Variants in RNMT observed in about 807,000 individuals in gnomAD.
RNMT encodes RNA guanine-7 methyltransferase.
Under a neutral mutation model 56.0 loss-of-function variants are expected in RNMT, and 27 were observed. The ratio of observed to expected loss-of-function variants is 0.48; its 90% confidence interval spans 0.36 to 0.67. The LOEUF (loss-of-function observed/expected upper bound fraction) is 0.67. Among genes scored for constraint, RNMT ranks in the 30% least tolerant of loss-of-function variants. The pLI is 0.00. For missense variants in RNMT, 519 were observed against 552.1 expected (o/e 0.94, Z 0.60); for synonymous variants, 184 against 176.2 (o/e 1.04, Z -0.35).
At chr18:13,738,857 G>A (rs983401629) in intron 5 of RNMT, among the ~76,000 whole-genome samples, 1 of 152,072 alleles carries the variant, frequency 6.6e-6, no homozygotes, top group African/African-American at 2.4e-5. Context: ...TTGGCACCAG[G>A]GGCCGGTTTC....
intron 8 of RNMT, chr18:13,742,895 T>A (rs113157306): frequency 7.0e-6 from 2 of 284,910 alleles, no homozygotes; most frequent in East Asian, 1.3e-4. Context: ...TGGAATTTTT[T>A]AATCCTGTGG....
At chr18:13,750,632 C>T (rs539376832) in intron 9 of RNMT, among the ~76,000 whole-genome samples, 1 of 151,870 alleles carries the variant, frequency 6.6e-6, no homozygotes, top group East Asian at 1.9e-4. Flanking sequence ...AAACCTTGTC[C>T]CTACAAAAAA....
At position 13,762,356 on chromosome 18, in the gene RNMT, A is replaced by C; in HGVS notation, c.*2377A>C. The C allele has an allele frequency of 1.7e-6, 1 of 602,278 alleles. No homozygotes were observed. Among genetic ancestry groups the C allele is most frequent in the Non-Finnish European group, 2.8e-6 (1 of 351,732 alleles). The allele number at this position is 602,278 out of a possible 1,614,324, so 37.3% of individuals were successfully genotyped here. A position where few individuals can be genotyped will look rare whatever the true frequency, so the allele number is the denominator to read the frequency against. On this transcript the variant is annotated 3_prime_UTR_variant, in exon 12 of 12. Coordinates refer to ENST00000383314, the MANE Select transcript of RNMT (RefSeq NM_003799.3). ...GGAGAGGAGCTGGCAGTTTTTAACC[A>C]CTTCTGTGGGAGCCGTGTTCTAACC... is the stretch of plus-strand genomic sequence containing the variant.
Position 13,731,944 on chromosome 18 carries a change from G to C in RNMT, c.417+10G>C. On this transcript the variant is annotated intron_variant, in intron 3 of 11. Transcript: ENST00000383314. The stretch of plus-strand genomic sequence containing the variant: ...TCCTGAAAAGCAGAAAGTATGTTCA[G>C]TGTATTTTCATTTATTCATAATAGA... 4 of 1,571,448 alleles carry C rather than the reference G, an allele frequency of 2.5e-6. No individual in the cohort carries two copies. The highest frequency in any genetic ancestry group is 3.4e-6 in the Non-Finnish European group (4 of 1,164,864).
At chr18:13,741,795 A>G in intron 7 of RNMT, 104 bp downstream of exon 7, 1 of 665,250 alleles carries the variant, frequency 1.5e-6, no homozygotes, top group South Asian at 2.7e-5. Flanking sequence ...TAATCTTATA[A>G]GTGTTGAACA....
At position 13,731,854 on chromosome 18, in the gene RNMT, C is replaced by G. The variant is rs769888601; in HGVS notation, c.337C>G (p.Pro113Ala). 31 of 1,612,272 alleles carry G rather than the reference C, an allele frequency of 1.9e-5. No individual in the cohort carries two copies. In the South Asian group the frequency reaches 3.4e-4, roughly 18 times the overall value. Residue 113 changes from proline to alanine, a missense_variant, in exon 3 of 12, where the codon CCA becomes GCA. By Grantham distance (27) the Pro-to-Ala change is conservative. Transcript: ENST00000383314. ...KKRKRETEDVPKDKSSTGDGT... is the reference protein window; with the variant it reads ...KKRKRETEDVAKDKSSTGDGT... ...AAGAAAAAGAGAAACTGAGGATGTT[C>G]CAAAAGATAAATCTTCTACTGGAGA...
rs551772602 is a variant in RNMT, at chr18:13,761,154, T to G, written c.*1175T>G. ...AACATAGTGTCTTCATTAGTGTGCATCTATTAACTGTTCATGGTGTTAGAG... is the reference window on the plus strand; with the variant it reads ...AACATAGTGTCTTCATTAGTGTGCAGCTATTAACTGTTCATGGTGTTAGAG... On this transcript the variant is annotated 3_prime_UTR_variant, in exon 12 of 12. Transcript: ENST00000383314. The G allele has an allele frequency of 8.3e-4, 818 of 985,440 alleles. 16 individuals carry two copies. In the South Asian group the frequency reaches 0.034, roughly 41 times the overall value. 61.0% of individuals were successfully genotyped at this position (985,440 alleles called of 1,614,324 possible). A position where few individuals can be genotyped will look rare whatever the true frequency, so the allele number is the denominator to read the frequency against.
Position 13,740,168 on chromosome 18 carries a change from T to A in RNMT, c.681T>A (p.Asp227Glu). The A allele has an allele frequency of 6.3e-7, 1 of 1,590,918 alleles. No individual in the cohort carries two copies. Among genetic ancestry groups the A allele is most frequent in the Non-Finnish European group, 8.6e-7 (1 of 1,159,182 alleles). The change falls in exon 6 of 12, where the codon GAT becomes GAA. Residue 227 changes from aspartate (D) to glutamate (E), a missense_variant and splice_region_variant. Coordinates refer to ENST00000383314, the MANE Select transcript of RNMT (RefSeq NM_003799.3). ...ACTAATACCCTTCCATCCTTCCAGA[T>A]ATTGCCGATGTTTCTGTCAAACAGT... ...KGRINKLVCT[D>E]IADVSVKQCQ...
At chr18:13,759,137 C>T (rs960391626) in intron 11 of RNMT, among the ~76,000 whole-genome samples, 3 of 152,074 alleles carry the variant, frequency 2.0e-5, no homozygotes, top group African/African-American at 7.2e-5. Flanking sequence ...TGAAATAATG[C>T]AAGAATTACC....
In RNMT at chr18:13,740,273, C is replaced by T; in HGVS notation, c.786C>T (p.Ser262=). The T allele has an allele frequency of 6.7e-7, 1 of 1,486,586 alleles. No homozygotes were observed. The highest frequency in any genetic ancestry group is 2.3e-5 in the East Asian group (1 of 44,192). 92.1% of individuals were successfully genotyped at this position (1,486,586 alleles called of 1,614,324 possible). A position where few individuals can be genotyped will look rare whatever the true frequency, so the allele number is the denominator to read the frequency against. The change falls in exon 6 of 12, where the codon AGC becomes AGT. Residue 262 remains serine, a synonymous_variant. Transcript: ENST00000383314. ...GTGCAGAATTTATAACTGCTGACAG[C>T]TCAAAGGTACAGTTTCTTTCTTTGG... ...IFSAEFITAD[S]SKELLIDKFR...
chr18:13,731,267 G>A (rs1406232374), intron 2 of RNMT, among the ~76,000 whole-genome samples: 1 of 152,180 alleles, frequency 6.6e-6, no homozygotes, highest in Non-Finnish European at 1.5e-5. Flanking sequence ...AATTAGCCAG[G>A]CGTGGTGGCA....
intron 4 of RNMT, among the ~76,000 whole-genome samples, 171 bp from the exon 5 acceptor site, chr18:13,736,839 C>T (rs1832117604): frequency 6.6e-6 from 1 of 152,162 alleles, no homozygotes; most frequent in Admixed American, 6.5e-5. Flanking sequence ...GATTAATCAA[C>T]TCTTAGTCAT....
At chr18:13,741,458 T>C in intron 6 of RNMT, 52 bp from the exon 7 acceptor site, 4 of 1,329,706 alleles carry the variant, frequency 3.0e-6, no homozygotes, top group Non-Finnish European at 4.2e-6. Context: ...AAAAAGTTTT[T>C]AATCTTTGTT....
rs532262293 is a variant in RNMT at position 13,760,424 on chromosome 18, G to C, written c.*445G>C. ...TATATAGCATTTTTCAACATTTAAT[G>C]GTCTGTACAGTTGAATGTAAGTGTT... On this transcript the variant is annotated 3_prime_UTR_variant, in exon 12 of 12. Transcript: ENST00000383314. The C allele has an allele frequency of 1.4e-4, 136 of 987,098 alleles. No homozygotes were observed. The African/African-American group carries it at 2.3e-3, about 16-fold the overall frequency. The allele number at this position is 987,098 out of a possible 1,614,324, so 61.1% of individuals were successfully genotyped here.
Position 13,734,572 on chromosome 18 carries a change from A to C in RNMT, c.526A>C (p.Asn176His). Residue 176 changes from asparagine (N) to histidine (H), a missense_variant, in exon 4 of 12, where the codon AAT (asparagine) becomes CAT (histidine). Coordinates refer to ENST00000383314, the MANE Select transcript of RNMT (RefSeq NM_003799.3). ...TCGTATTTTTTACCTAAGAAACTTT[A>C]ATAATTGGATGAAAAGTGTTCTCAT... ...QSRIFYLRNF[N>H]NWMKSVLIGE... 6.2e-7 allele frequency: 1 copy of C among 1,613,300 alleles called. No individual in the cohort carries two copies. The highest frequency in any genetic ancestry group is 8.5e-7 in the Non-Finnish European group (1 of 1,179,508).
chr18:13,740,867 A>G (rs576464743), intron 6 of RNMT, among the ~76,000 whole-genome samples: 5 of 152,346 alleles, frequency 3.3e-5, no homozygotes, highest in African/African-American at 9.6e-5. Context: ...GTATTTTGAA[A>G]TAGAACTGAA....
chr18:13,753,816 T>TAC (rs3138630), intron 10 of RNMT, among the ~76,000 whole-genome samples: 9,042 of 144,442 alleles, frequency 0.063, 313 homozygotes, highest in East Asian at 0.12. Context: ...ATTTTCCAGT[T>TAC]ACACACACAC....
intron 11 of RNMT, among the ~76,000 whole-genome samples, chr18:13,758,049 T>C (rs2044571699): frequency 6.6e-6 from 1 of 152,214 alleles, no homozygotes; most frequent in Non-Finnish European, 1.5e-5. Context: ...TTTATTTTTC[T>C]GAGCAGTAGG....
chr18:13,741,387 T>C, intron 6 of RNMT, 123 bp from the exon 7 acceptor site: 3 of 609,436 alleles, frequency 4.9e-6, no homozygotes, highest in Non-Finnish European at 2.8e-6. Context: ...GTGTCCTTTA[T>C]TGTACAAGGG....
Sources: gnomAD v4.1 joint callset for allele counts (sites outside exome capture counted in the v4.1 genomes callset) on GRCh38, gnomAD v4.1.1 for gene constraint, MANE v1.5 for transcripts, NCBI Gene and HGNC (gene_info 2026-07-23, HGNC 2026-07-21) for gene names.